STARD13: variants seen among roughly 807,000 people sequenced by gnomAD.
STARD13 encodes the protein stAR-related lipid transfer protein 13.
STARD13 carries 62 observed loss-of-function variants against 106.4 expected under a neutral mutation model. That is an observed-to-expected ratio of 0.58 (90% CI 0.48 to 0.72). The LOEUF (loss-of-function observed/expected upper bound fraction) is 0.72. Ranked by LOEUF, STARD13 falls within the 30% of genes least tolerant of loss-of-function variation. STARD13 has a pLI of 0.00. For missense variants in STARD13, 1,387 were observed against 1,424.0 expected (o/e 0.97, Z 0.42); for synonymous variants, 565 against 553.0 (o/e 1.02, Z -0.31).
chr13:33,633,809 A>C, the STARD13 span, among the ~76,000 whole-genome samples: 2 of 152,174 alleles, frequency 1.3e-5, no homozygotes, highest in Non-Finnish European at 2.9e-5. Context: ...CAGCACCCCC[A>C]GTCTTGCCTC....
chr13:33,602,092 C>CTTTT, the STARD13 span, among the ~76,000 whole-genome samples: 59 of 136,490 alleles, frequency 4.3e-4, 1 homozygote, highest in African/African-American at 1.3e-3. Flanking sequence ...TCTAGTAATT[C>CTTTT]TTTTTTTTTT....
chr13:33,158,341 A>AGAGTG (rs375887492), intron 3 of STARD13, among the ~76,000 whole-genome samples: 47 of 152,356 alleles, frequency 3.1e-4, no homozygotes, highest in African/African-American at 1.1e-3. Context: ...TAACAACTCA[A>AGAGTG]GAGTAAATTG....
At chr13:33,486,100 A>T in the STARD13 span, among the ~76,000 whole-genome samples, 1 of 152,128 alleles carries the variant, frequency 6.6e-6, no homozygotes, top group African/African-American at 2.4e-5. Context: ...ACCTAGAGTG[A>T]CCCTAGGGAA....
the STARD13 span, among the ~76,000 whole-genome samples, chr13:33,639,876 T>C: frequency 5.9e-5 from 9 of 152,242 alleles, no homozygotes; most frequent in Non-Finnish European, 1.0e-4. Context: ...TCTATTCTAG[T>C]TGGTGGGTGG....
chr13:33,588,405 C>T, the STARD13 span, among the ~76,000 whole-genome samples: 6 of 152,154 alleles, frequency 3.9e-5, no homozygotes, highest in African/African-American at 1.2e-4. Flanking sequence ...GCCTGACCTG[C>T]TGTACTCTCT....
At chr13:33,628,991 G>A in the STARD13 span, among the ~76,000 whole-genome samples, 8 of 152,222 alleles carry the variant, frequency 5.3e-5, no homozygotes, top group Non-Finnish European at 1.2e-4. Context: ...CGATTACTGT[G>A]GGATCTTTTC....
At chr13:33,655,238 T>A in the STARD13 span, among the ~76,000 whole-genome samples, 1 of 152,254 alleles carries the variant, frequency 6.6e-6, no homozygotes, top group Non-Finnish European at 1.5e-5. Context: ...AATAAACTTT[T>A]CTTTTGAATT....
chr13:33,652,394 A>C, the STARD13 span, among the ~76,000 whole-genome samples: 4 of 152,268 alleles, frequency 2.6e-5, no homozygotes, highest in African/African-American at 9.6e-5. Flanking sequence ...ATGATTGCAT[A>C]TGTGATAAAG....
At chr13:33,671,890 C>T in the STARD13 span, among the ~76,000 whole-genome samples, 1 of 152,134 alleles carries the variant, frequency 6.6e-6, no homozygotes, top group African/African-American at 2.4e-5. Flanking sequence ...TTATTAAATC[C>T]TTAGCTTGTC....
upstream of STARD13, chr13:33,350,662 T>G: frequency 1.6e-6 from 2 of 1,218,542 alleles, no homozygotes; most frequent in Admixed American, 4.4e-5. Context: ...CTCTACTCCT[T>G]TCCCACTTTC....
the STARD13 span, among the ~76,000 whole-genome samples, chr13:33,414,140 C>T: frequency 6.6e-6 from 1 of 151,916 alleles, no homozygotes; most frequent in African/African-American, 2.4e-5. Context: ...TATAGCACAC[C>T]TATTAAAATG....
chr13:33,625,734 G>A, the STARD13 span, among the ~76,000 whole-genome samples: 19 of 151,174 alleles, frequency 1.3e-4, no homozygotes, highest in African/African-American at 2.7e-4. Context: ...ACGGAGTCTC[G>A]CTCTGTCACC....
chr13:33,499,050 A>G, the STARD13 span, among the ~76,000 whole-genome samples: 26 of 152,226 alleles, frequency 1.7e-4, no homozygotes, highest in African/African-American at 5.8e-4. Flanking sequence ...AGGCAGGAGA[A>G]TCACTTGAAC....
chr13:33,363,358 T>C, the STARD13 span, among the ~76,000 whole-genome samples: 1 of 152,214 alleles, frequency 6.6e-6, no homozygotes, highest in African/African-American at 2.4e-5. Flanking sequence ...TCTAGTCTTA[T>C]ATGCAGGCCA....
intron 1 of STARD13, among the ~76,000 whole-genome samples, chr13:33,214,530 C>A (rs1267113645): frequency 6.6e-6 from 1 of 152,164 alleles, no homozygotes; most frequent in African/African-American, 2.4e-5. Flanking sequence ...TCCCAGTAAT[C>A]CAAATGCAGG....
the STARD13 span, among the ~76,000 whole-genome samples, chr13:33,560,622 A>G: frequency 4.6e-5 from 7 of 151,556 alleles, no homozygotes; most frequent in African/African-American, 1.7e-4. Context: ...AACAGAGCAG[A>G]GAAAATAACC....
chr13:33,421,373 C>T, the STARD13 span, among the ~76,000 whole-genome samples: 2 of 152,056 alleles, frequency 1.3e-5, no homozygotes, highest in Non-Finnish European at 2.9e-5. Flanking sequence ...CTGGACACAT[C>T]CACCCTCCCA....
the STARD13 span, among the ~76,000 whole-genome samples, chr13:33,362,508 G>A: frequency 4.6e-5 from 7 of 152,216 alleles, no homozygotes; most frequent in Non-Finnish European, 1.0e-4. Flanking sequence ...GAAATCCTTT[G>A]GATTTAATGG....
chr13:33,228,179 C>T (rs1317810152), intron 1 of STARD13, among the ~76,000 whole-genome samples: 1 of 152,124 alleles, frequency 6.6e-6, no homozygotes, highest in Non-Finnish European at 1.5e-5. Context: ...ACATGGAGTG[C>T]TCATGGAAAA....
Sources: allele counts gnomAD v4.1 joint callset (sites outside exome capture counted in the v4.1 genomes callset), GRCh38; gene constraint gnomAD v4.1.1; transcripts MANE v1.5; gene names NCBI Gene and HGNC (gene_info 2026-07-23, HGNC 2026-07-21).